The following SLC35F4 variants were observed in gnomAD, a reference collection of about 807,000 sequenced individuals.
SLC35F4 encodes solute carrier family 35 member F4.
SLC35F4 carries 24 observed loss-of-function variants against 44.2 expected under a neutral mutation model. The ratio of observed to expected loss-of-function variants is 0.54; its 90% CI spans 0.39 to 0.76. SLC35F4 has a LOEUF of 0.76. SLC35F4 is among the 30% of genes least tolerant of loss of function. The probability of loss-of-function intolerance (pLI) is 0.00; values close to 1 mark genes in which losing one functional copy is unlikely to be tolerated. For missense variants in SLC35F4, 562 were observed against 586.1 expected (o/e 0.96, Z 0.42); for synonymous variants, 238 against 223.6 (o/e 1.06, Z -0.57).
At chr14:57,685,764 C>G (rs1176313767) in intron 1 of SLC35F4, among the ~76,000 whole-genome samples, 1 of 152,192 alleles carries the variant, frequency 6.6e-6, no homozygotes, top group Non-Finnish European at 1.5e-5. Flanking sequence ...AAACAACCCT[C>G]AAATTGACTG....
At chr14:57,838,243 T>A (rs1885133556) in intron 1 of SLC35F4, among the ~76,000 whole-genome samples, 1 of 151,972 alleles carries the variant, frequency 6.6e-6, no homozygotes, top group African/African-American at 2.4e-5. Flanking sequence ...AGAACAGAGG[T>A]GAGGCTTCAA....
At chr14:57,567,286 T>A (rs2068251754) in intron 6 of SLC35F4, among the ~76,000 whole-genome samples, 2 of 152,214 alleles carry the variant, frequency 1.3e-5, no homozygotes, top group South Asian at 4.1e-4. Context: ...AAAAGAATTA[T>A]AAATTACAAA....
chr14:57,924,279 G>A (rs1322435220), intron 1 of SLC35F4, among the ~76,000 whole-genome samples: 1 of 152,148 alleles, frequency 6.6e-6, no homozygotes, highest in Non-Finnish European at 1.5e-5. Context: ...TGGGTCTGCA[G>A]ACTGTATAAG....
chr14:57,713,721 G>A (rs2075867376), intron 1 of SLC35F4, among the ~76,000 whole-genome samples: 1 of 152,158 alleles, frequency 6.6e-6, no homozygotes, highest in Admixed American at 6.5e-5. Context: ...CCTGGTATCT[G>A]ACCTAGGGTA....
intron 1 of SLC35F4, among the ~76,000 whole-genome samples, chr14:57,814,212 G>A (rs143287987): frequency 3.3e-5 from 5 of 152,258 alleles, no homozygotes; most frequent in African/African-American, 9.6e-5. Flanking sequence ...CACATAGTAG[G>A]CCATCAATAA....
intron 1 of SLC35F4, among the ~76,000 whole-genome samples, chr14:57,654,730 T>C (rs12891185): frequency 0.14 from 21,733 of 152,244 alleles, 1,914 homozygotes; most frequent in African/African-American, 0.24. Flanking sequence ...TAGTTCTTTT[T>C]ACCACATCCA....
At chr14:57,720,628 T>C (rs966844030) in intron 1 of SLC35F4, among the ~76,000 whole-genome samples, 5 of 152,040 alleles carry the variant, frequency 3.3e-5, no homozygotes, top group South Asian at 2.1e-4. Flanking sequence ...GTCAGCTTGA[T>C]TGGATTGAAG....
rs115991537 is a variant in SLC35F4 at position 57,789,549 on chromosome 14, C to A, written c.103+76174G>T. Among the ~76,000 whole-genome samples the A allele has an allele frequency of 2.7e-3, 407 of 152,282 alleles. 2 individuals are homozygous for A. The highest frequency in any genetic ancestry group is 9.0e-3 in the African/African-American group (375 of 41,556). On this transcript the variant is annotated intron_variant, in intron 1 of 7. Coordinates refer to ENST00000556826, the MANE Select transcript of SLC35F4 (RefSeq NM_001306087.2). ...AGCCCCGGACCAGATGGATTCACAG[C>A]TGAATTTTACCAGAAGTACAAAGAG...
At chr14:57,793,043 C>G (rs1181845869) in intron 1 of SLC35F4, among the ~76,000 whole-genome samples, 2 of 151,652 alleles carry the variant, frequency 1.3e-5, no homozygotes, top group Admixed American at 6.6e-5. Context: ...AAAAACAAAA[C>G]CAAAATATTA....
chr14:57,779,677 C>T (rs185853255), intron 1 of SLC35F4, among the ~76,000 whole-genome samples: 5 of 152,100 alleles, frequency 3.3e-5, no homozygotes. Flanking sequence ...GATGCAAAAA[C>T]CTTCAACAAA....
intron 1 of SLC35F4, among the ~76,000 whole-genome samples, chr14:57,966,812 C>T (rs545895100): frequency 1.3e-5 from 2 of 152,236 alleles, no homozygotes; most frequent in Non-Finnish European, 2.9e-5. Flanking sequence ...GAGCTCGAGA[C>T]CAGCCTGGCC....
intron 1 of SLC35F4, among the ~76,000 whole-genome samples, chr14:57,853,036 C>T (rs895110785): frequency 6.6e-6 from 1 of 152,160 alleles, no homozygotes; most frequent in African/African-American, 2.4e-5. Flanking sequence ...TTTAAATATA[C>T]CATGTTAAAT....
At chr14:57,737,594 G>A (rs1298393866) in intron 1 of SLC35F4, among the ~76,000 whole-genome samples, 2 of 152,192 alleles carry the variant, frequency 1.3e-5, no homozygotes, top group African/African-American at 4.8e-5. Flanking sequence ...GTGGACGTAA[G>A]TACTCACCAA....
intron 1 of SLC35F4, among the ~76,000 whole-genome samples, chr14:57,610,831 C>G (rs12880200): frequency 0.68 from 102,743 of 151,684 alleles, 35,554 homozygotes; most frequent in Non-Finnish European, 0.75. Context: ...GTGATAGGTA[C>G]CATGCAGACC....
At chr14:57,614,273 T>C (rs2071679204) in intron 1 of SLC35F4, among the ~76,000 whole-genome samples, 1 of 152,198 alleles carries the variant, frequency 6.6e-6, no homozygotes, top group African/African-American at 2.4e-5. Context: ...GAAAAGCAGA[T>C]TTCATTTAAG....
chr14:57,870,140 G>GTA, upstream of SLC35F4, among the ~76,000 whole-genome samples: 1 of 147,818 alleles, frequency 6.8e-6, no homozygotes, highest in East Asian at 1.9e-4. Context: ...GTGTGTGTGT[G>GTA]TGTGTGTGTG....
At chr14:57,615,488 T>C (rs940385197) in intron 1 of SLC35F4, among the ~76,000 whole-genome samples, 1 of 152,180 alleles carries the variant, frequency 6.6e-6, no homozygotes, top group African/African-American at 2.4e-5. Flanking sequence ...CCAAAGGACA[T>C]AGTTTTAAAA....
intron 1 of SLC35F4, among the ~76,000 whole-genome samples, chr14:57,673,094 C>G (rs2074574087): frequency 6.6e-6 from 1 of 152,042 alleles, no homozygotes; most frequent in South Asian, 2.1e-4. Context: ...GATGATGAAC[C>G]ATGAATTTGA....
chr14:57,960,627 A>C (rs1249215061), intron 1 of SLC35F4, among the ~76,000 whole-genome samples: 1 of 152,226 alleles, frequency 6.6e-6, no homozygotes, highest in Admixed American at 6.5e-5. Context: ...AAGTTAGAAA[A>C]GGATCAAAGA....
Sources: allele counts gnomAD v4.1 joint callset (sites outside exome capture counted in the v4.1 genomes callset), GRCh38; gene constraint gnomAD v4.1.1; transcripts MANE v1.5; gene names NCBI Gene and HGNC (gene_info 2026-07-23, HGNC 2026-07-21).